The following SDHAF3 variants were observed in gnomAD, a reference collection of about 807,000 sequenced individuals.
The protein encoded by SDHAF3 is succinate dehydrogenase assembly factor 3, mitochondrial.
SDHAF3 carries 18 observed loss-of-function variants against 11.5 expected under a neutral mutation model. The ratio of observed to expected loss-of-function variants is 1.56; its 90% CI spans 1.08 to 2.32. The LOEUF is 2.32. Among genes scored for constraint, SDHAF3 ranks in the 30% most tolerant of loss-of-function variants. SDHAF3 has a pLI of 0.00. For missense variants in SDHAF3, 200 were observed against 154.4 expected, an observed-to-expected ratio of 1.30 and a Z score of -1.57; for synonymous variants, 72 against 59.3, an observed-to-expected ratio of 1.21 and a Z score of -0.99.
intron 1 of SDHAF3, among the ~76,000 whole-genome samples, chr7:97,143,018 A>C (rs1331101994): frequency 6.7e-6 from 1 of 148,688 alleles, no homozygotes; most frequent in Non-Finnish European, 1.5e-5. Context: ...TCCCGCCTCA[A>C]CCTCCCGAGT....
chr7:97,120,829 A>G (rs78854657), intron 1 of SDHAF3, among the ~76,000 whole-genome samples: 5,358 of 152,276 alleles, frequency 0.035, 145 homozygotes, highest in Admixed American at 0.049. Context: ...CAAGAACACT[A>G]GAGGCCCCAT....
At chr7:97,166,370 G>C (rs1789504668) in intron 1 of SDHAF3, among the ~76,000 whole-genome samples, 1 of 152,114 alleles carries the variant, frequency 6.6e-6, no homozygotes, top group African/African-American at 2.4e-5. Flanking sequence ...AATTGGGGAG[G>C]GTGGGAGTTC....
intron 1 of SDHAF3, among the ~76,000 whole-genome samples, chr7:97,174,584 T>C (rs539627136): frequency 6.6e-6 from 1 of 152,318 alleles, no homozygotes; most frequent in East Asian, 1.9e-4. Context: ...CTTCCTTCCT[T>C]TTTCCTTGTC....
At chr7:97,153,036 G>C (rs1032628533) in intron 1 of SDHAF3, among the ~76,000 whole-genome samples, 6 of 152,246 alleles carry the variant, frequency 3.9e-5, no homozygotes, top group African/African-American at 1.4e-4. Flanking sequence ...AAGCAAGGAG[G>C]ATGTTTGTTT....
intron 1 of SDHAF3, among the ~76,000 whole-genome samples, chr7:97,139,192 G>T (rs1788989027): frequency 6.6e-6 from 1 of 152,230 alleles, no homozygotes; most frequent in Admixed American, 6.5e-5. Flanking sequence ...GAAGAATGAG[G>T]TTACACTGAC....
At chr7:97,177,129 G>A (rs1175605700) in intron 1 of SDHAF3, among the ~76,000 whole-genome samples, 5 of 151,636 alleles carry the variant, frequency 3.3e-5, no homozygotes, top group Non-Finnish European at 5.9e-5. Context: ...ATAGTATTTT[G>A]TATTCTGCTT....
chr7:97,161,003 G>A (rs963079847), intron 1 of SDHAF3, among the ~76,000 whole-genome samples: 4 of 151,914 alleles, frequency 2.6e-5, no homozygotes, highest in African/African-American at 9.7e-5. Context: ...TACTTTTACA[G>A]GGATGCAAAA....
chr7:97,146,662 ATTC>A (rs1287196616), intron 1 of SDHAF3, among the ~76,000 whole-genome samples: 2 of 152,116 alleles, frequency 1.3e-5, no homozygotes, highest in African/African-American at 4.8e-5. Context: ...AGAGAAAACT[ATTC>A]TGCTATAGAT....
At chr7:97,158,455 G>T (rs955742757) in intron 1 of SDHAF3, among the ~76,000 whole-genome samples, 1 of 152,106 alleles carries the variant, frequency 6.6e-6, no homozygotes, top group Admixed American at 6.5e-5. Flanking sequence ...AGCCTCCTGA[G>T]TAGCTAGGAT....
intron 1 of SDHAF3, among the ~76,000 whole-genome samples, chr7:97,155,851 G>A (rs1009130646): frequency 7.5e-5 from 11 of 146,738 alleles, no homozygotes; most frequent in Non-Finnish European, 1.5e-4. Context: ...GCTAATATCC[G>A]AAGCATGATA....
At chr7:97,131,308 A>G (rs1003307548) in intron 1 of SDHAF3, among the ~76,000 whole-genome samples, 4 of 152,162 alleles carry the variant, frequency 2.6e-5, no homozygotes, top group Admixed American at 6.5e-5. Flanking sequence ...TATCTTCTAC[A>G]CTTCTAGCAC....
At chr7:97,122,900 G>A (rs572691668) in intron 1 of SDHAF3, among the ~76,000 whole-genome samples, 1 of 142,034 alleles carries the variant, frequency 7.0e-6, no homozygotes, top group Non-Finnish European at 1.5e-5. Context: ...GTTGTATAGT[G>A]CTGGAATTTT....
At chr7:97,169,886 C>G (rs922628916) in intron 1 of SDHAF3, among the ~76,000 whole-genome samples, 1 of 151,946 alleles carries the variant, frequency 6.6e-6, no homozygotes, top group Non-Finnish European at 1.5e-5. Context: ...AGAATTTTTT[C>G]AAAAGCCTTT....
chr7:97,123,393 C>T (rs966415147), intron 1 of SDHAF3, among the ~76,000 whole-genome samples: 6 of 152,086 alleles, frequency 3.9e-5, no homozygotes, highest in African/African-American at 7.2e-5. Context: ...TCCAGCCTAT[C>T]GTTGATGGAT....
At chr7:97,137,336 A>G (rs1788942003) in intron 1 of SDHAF3, among the ~76,000 whole-genome samples, 1 of 152,200 alleles carries the variant, frequency 6.6e-6, no homozygotes, top group Non-Finnish European at 1.5e-5. Context: ...TGTAATATAA[A>G]TCAGGCCAGC....
intron 1 of SDHAF3, among the ~76,000 whole-genome samples, chr7:97,162,856 T>C (rs1360548514): frequency 6.6e-6 from 1 of 152,220 alleles, no homozygotes; most frequent in African/African-American, 2.4e-5. Flanking sequence ...CTGTGAAGAA[T>C]GTATATTCTG....
chr7:97,135,880 G>T (rs1791758732), intron 1 of SDHAF3, among the ~76,000 whole-genome samples: 1 of 150,988 alleles, frequency 6.6e-6, no homozygotes. Context: ...GTAGAGACGG[G>T]GTTTCACCGT....
At chr7:97,148,329 G>T (rs140268364) in intron 1 of SDHAF3, among the ~76,000 whole-genome samples, 386 of 152,314 alleles carry the variant, frequency 2.5e-3, no homozygotes, top group African/African-American at 8.9e-3. Flanking sequence ...GAAGCCAGGA[G>T]ATGGAGACCA....
At chr7:97,174,752 C>T (rs142875217) in intron 1 of SDHAF3, among the ~76,000 whole-genome samples, 210 of 152,288 alleles carry the variant, frequency 1.4e-3, no homozygotes, top group African/African-American at 4.8e-3. Context: ...GCCTAATTAT[C>T]GGGAGGTACA....
Sources: gnomAD v4.1 joint callset for allele counts (sites outside exome capture counted in the v4.1 genomes callset) on GRCh38, gnomAD v4.1.1 for gene constraint, MANE v1.5 for transcripts, NCBI Gene and HGNC (gene_info 2026-07-23, HGNC 2026-07-21) for gene names.